The following MEP1B variants were observed in gnomAD, a reference collection of about 807,000 sequenced individuals.
MEP1B encodes N-benzoyl-L-tyrosyl-P-amino-benzoic acid hydrolase subunit beta.
In MEP1B, 80 loss-of-function variants were observed where a neutral mutation model predicts 84.6. That is an observed-to-expected ratio of 0.95 (90% CI 0.79 to 1.14). MEP1B has a LOEUF of 1.14. Ranked by LOEUF, MEP1B falls within the 50% of genes most tolerant of loss-of-function variation. The probability of loss-of-function intolerance (pLI) is 0.00; values close to 1 mark genes in which losing one functional copy is unlikely to be tolerated. For missense variants in MEP1B, 766 were observed against 855.1 expected, an observed-to-expected ratio of 0.90 and a Z score of 1.30; for synonymous variants, 273 against 288.1, an observed-to-expected ratio of 0.95 and a Z score of 0.53.
rs1568267471 is a variant in MEP1B, at chr18:32,203,161, T to A, written c.368+151T>A. The A allele has an allele frequency of 9.5e-6, 5 of 524,776 alleles. No homozygotes were observed. In the Admixed American group the frequency reaches 1.8e-4, roughly 19 times the overall value. 32.5% of individuals were successfully genotyped at this position (524,776 alleles called of 1,614,324 possible). On this transcript the variant is annotated intron_variant, in intron 6 of 14. Transcript: ENST00000269202. The stretch of plus-strand genomic sequence containing the variant: ...GAGAGTAAAAAACAACTGGATCTAG[T>A]TTTTGTAGACATAGAAATTATATTC...
At chr18:32,217,494 T>C (rs996776522) in intron 13 of MEP1B, among the ~76,000 whole-genome samples, 3 of 152,146 alleles carry the variant, frequency 2.0e-5, no homozygotes, top group Non-Finnish European at 4.4e-5. Context: ...AGAACTAAAC[T>C]TTCTCTGTTA....
At chr18:32,213,762 T>TC (rs768493377) in intron 11 of MEP1B, among the ~76,000 whole-genome samples, 2 of 152,226 alleles carry the variant, frequency 1.3e-5, no homozygotes, top group Non-Finnish European at 2.9e-5. Flanking sequence ...CAGCAAGGAC[T>TC]CCAACAAATG....
chr18:32,209,765 C>CT (rs1482553433), intron 9 of MEP1B, among the ~76,000 whole-genome samples: 1 of 151,328 alleles, frequency 6.6e-6, no homozygotes, highest in Non-Finnish European at 1.5e-5. Context: ...TTTCTTCCTT[C>CT]TTTTTTTGTG....
intron 14 of MEP1B, among the ~76,000 whole-genome samples, chr18:32,218,603 T>C (rs2041118083): frequency 6.6e-6 from 1 of 152,180 alleles, no homozygotes; most frequent in Non-Finnish European, 1.5e-5. Flanking sequence ...GGAGGGCTCC[T>C]GGAACACGTA....
At chr18:32,208,648 T>A (rs1423545355) in intron 9 of MEP1B, among the ~76,000 whole-genome samples, 1 of 152,240 alleles carries the variant, frequency 6.6e-6, no homozygotes, top group Non-Finnish European at 1.5e-5. Flanking sequence ...CGAATTATTG[T>A]TTCAGAACTG....
In MEP1B at chr18:32,207,365, G is replaced by A. The variant is rs777987663; in HGVS notation, c.661G>A (p.Glu221Lys). The A allele has an allele frequency of 2.5e-6, 4 of 1,613,098 alleles. No individual in the cohort carries two copies. In the African/African-American group the frequency reaches 5.3e-5, roughly 22 times the overall value. ...YSKTAFQNGT[E>K]PTIVTRISDF... Reference sequence around the variant, plus strand: ...TAAAACTGCATTCCAAAATGGAACAGAGCCGACAATTGTCACAAGAATCTC... The same window carrying A: ...TAAAACTGCATTCCAAAATGGAACAAAGCCGACAATTGTCACAAGAATCTC... The change falls in exon 8 of 15, where the codon GAG (glutamate) becomes AAG (lysine). Residue 221 changes from glutamate to lysine, a missense_variant. By Grantham distance (56) the Glu-to-Lys change is moderately conservative. Coordinates refer to ENST00000269202, the MANE Select transcript of MEP1B (RefSeq NM_005925.3).
chr18:32,213,355 T>C lies in MEP1B; in HGVS notation c.1375T>C (p.Tyr459His), dbSNP rs750941071. 1.2e-6 allele frequency: 2 copies of C among 1,613,860 alleles called. No individual in the cohort carries two copies. The highest frequency in any genetic ancestry group is 8.5e-7 in the Non-Finnish European group (1 of 1,179,792). Residue 459 changes from tyrosine (Y) to histidine (H), a missense_variant, in exon 11 of 15, where the codon TAT (tyrosine) becomes CAT (histidine). Physicochemically the swap from Tyr to His is moderately conservative, Grantham distance 83. Transcript: ENST00000269202. ...CCCTCCATTTTACTCTTCTAAAGGT[T>C]ATGCCTTTCAGATTTACTTAAATCT... ...YSPPFYSSKGYAFQIYLNLAH... is the reference protein window; with the variant it reads ...YSPPFYSSKGHAFQIYLNLAH...
chr18:32,198,461 A>C (rs774261947), intron 5 of MEP1B, among the ~76,000 whole-genome samples: 3 of 152,224 alleles, frequency 2.0e-5, no homozygotes, highest in Non-Finnish European at 4.4e-5. Context: ...CCATCTGGCC[A>C]GCCAGCAACT....
At chr18:32,203,821 A>G (rs1453424100) in intron 6 of MEP1B, among the ~76,000 whole-genome samples, 1 of 152,136 alleles carries the variant, frequency 6.6e-6, no homozygotes, top group Admixed American at 6.6e-5. Context: ...GCATGGCAAA[A>G]GCAGGAGCCA....
chr18:32,217,079 C>T lies in MEP1B; in HGVS notation c.1848C>T (p.Asp616=), dbSNP rs776608085. Residue 616 remains aspartate (D), a synonymous_variant, in exon 13 of 15, where the codon GAC becomes GAT. Transcript: ENST00000269202. ...DLCSKTTCKN[D]GVCTVRDGKA... ...GCTCAAAAACCACCTGTAAAAATGA[C>T]GGTGTCTGCACTGTTCGAGATGGCA... 8 of 1,613,726 alleles carry T rather than the reference C, an allele frequency of 5.0e-6. No individual in the cohort carries two copies. Among genetic ancestry groups the T allele is most frequent in the African/African-American group, 1.3e-5 (1 of 74,904 alleles).
At chr18:32,203,922 T>TGA (rs1568267773) in intron 6 of MEP1B, among the ~76,000 whole-genome samples, 2 of 151,916 alleles carry the variant, frequency 1.3e-5, no homozygotes, top group African/African-American at 4.8e-5. Flanking sequence ...CCAAGCCATG[T>TGA]GTGGTTCGTC....
At position 32,213,412 on chromosome 18, in the gene MEP1B, C is replaced by T. The variant is rs2041050218; in HGVS notation, c.1432C>T (p.His478Tyr). ...TGTGACTAATGCAGGGATATATTTC[C>T]ACTTGATCTCTGGAGCCAATGATGA... ...AHVTNAGIYF[H>Y]LISGANDDQL... is the part of the protein sequence containing the mutation. The change falls in exon 11 of 15, where the codon CAC becomes TAC. Residue 478 changes from histidine (H) to tyrosine (Y), a missense_variant. Coordinates refer to ENST00000269202, the MANE Select transcript of MEP1B (RefSeq NM_005925.3). The T allele has an allele frequency of 2.5e-6, 4 of 1,613,742 alleles. No homozygotes were observed. The highest frequency in any genetic ancestry group is 3.3e-5 in the Admixed American group (2 of 59,994).
rs754356829 is a variant in MEP1B, at chr18:32,207,309, C to T, written c.605C>T (p.Pro202Leu). 6.2e-7 allele frequency: 1 copy of T among 1,613,078 alleles called. No homozygotes were observed. The highest frequency in any genetic ancestry group is 1.1e-5 in the South Asian group (1 of 90,922). The change falls in exon 8 of 15, where the codon CCC (proline) becomes CTC (leucine). Residue 202 changes from proline (P) to leucine (L), a missense_variant. Pro to Leu is a moderately conservative substitution (Grantham distance 98). Transcript: ENST00000269202. ...GATATATCAGATTCCCTGAATGTTC[C>T]CTATGATTACACTTCAGTAATGCAC... is the stretch of plus-strand genomic sequence containing the variant. ...SDDISDSLNV[P>L]YDYTSVMHYS...
chr18:32,209,188 T>C (rs375033926), intron 9 of MEP1B, among the ~76,000 whole-genome samples: 1 of 152,152 alleles, frequency 6.6e-6, no homozygotes, highest in African/African-American at 2.4e-5. Context: ...ATACTTGAAA[T>C]AAGGTAAAGA....
At chr18:32,191,868 GT>G in intron 2 of MEP1B, 28 bp downstream of exon 2, 1 of 1,461,104 alleles carries the variant, frequency 6.8e-7, no homozygotes. Flanking sequence ...TTTGTTCTAG[GT>G]TATAGAGAAC....
chr18:32,190,090 C>G lies in MEP1B; in HGVS notation c.20C>G (p.Ser7Cys). MDLWNL[S>C]WFLFLDALLV... is the part of the protein sequence containing the mutation. ...TACAACATGGATTTATGGAATCTGT[C>G]TTGGTTTCTGTTCTTGGATGCTCTT... The change falls in exon 1 of 15, where the codon TCT becomes TGT. Residue 7 changes from serine to cysteine, a missense_variant. Ser to Cys is a moderately radical substitution (Grantham distance 112). Transcript: ENST00000269202. 1 of 1,613,420 alleles carries G rather than the reference C, an allele frequency of 6.2e-7. No individual in the cohort carries two copies. Among genetic ancestry groups the G allele is most frequent in the South Asian group, 1.1e-5 (1 of 90,992 alleles).
Position 32,210,597 on chromosome 18 carries a change from A to G in MEP1B, c.1016A>G (p.Gln339Arg). The change falls in exon 10 of 15, where the codon CAG (glutamine) becomes CGG (arginine). Residue 339 changes from glutamine to arginine, a missense_variant. By Grantham distance (43) the Gln-to-Arg change is conservative (BLOSUM62 1). Transcript: ENST00000269202. ...SRTLYPKRGF[Q>R]CLQFYLYNSG... is the part of the protein sequence containing the mutation. ...ACGCTGTACCCTAAAAGAGGATTTCAGTGCCTGCAATTTTACTTATATAAC... is the reference window on the plus strand; with the variant it reads ...ACGCTGTACCCTAAAAGAGGATTTCGGTGCCTGCAATTTTACTTATATAAC... The G allele has an allele frequency of 6.2e-7, 1 of 1,614,052 alleles. No individual in the cohort carries two copies. The highest frequency in any genetic ancestry group is 8.5e-7 in the Non-Finnish European group (1 of 1,179,884).
At chr18:32,208,400 G>C in intron 9 of MEP1B, 129 bp downstream of exon 9, 1 of 954,186 alleles carries the variant, frequency 1.0e-6, no homozygotes, top group Non-Finnish European at 1.5e-6. Flanking sequence ...GGTTACTACT[G>C]AGAAGTAGGC....
At chr18:32,190,550 C>T (rs1296199928) in intron 1 of MEP1B, among the ~76,000 whole-genome samples, 2 of 152,170 alleles carry the variant, frequency 1.3e-5, no homozygotes, top group Non-Finnish European at 2.9e-5. Flanking sequence ...TCAGTTTAGA[C>T]TCATCCTTCT....
Sources: gnomAD v4.1 joint callset for allele counts (sites outside exome capture counted in the v4.1 genomes callset) on GRCh38, gnomAD v4.1.1 for gene constraint, MANE v1.5 for transcripts, NCBI Gene and HGNC (gene_info 2026-07-23, HGNC 2026-07-21) for gene names.